Variants in TIMELESS observed in about 807,000 individuals in gnomAD.
The protein encoded by TIMELESS is protein timeless homolog.
TIMELESS carries 124 observed loss-of-function variants against 164.3 expected under a neutral mutation model. The observed-to-expected ratio is 0.75, with a 90% confidence interval of 0.65 to 0.88. The LOEUF is 0.88. Ranked by LOEUF, TIMELESS falls within the 40% of genes least tolerant of loss-of-function variation. TIMELESS has a pLI of 0.00. For missense variants in TIMELESS, 1,422 were observed against 1,491.4 expected, an observed-to-expected ratio of 0.95 and a Z score of 0.77; for synonymous variants, 564 against 563.4, an observed-to-expected ratio of 1.00 and a Z score of -0.02.
chr12:56,432,485 A>C lies in TIMELESS; in HGVS notation c.571T>G (p.Trp191Gly). 1 of 1,614,210 alleles carries C rather than the reference A, an allele frequency of 6.2e-7. No homozygotes were observed. Residue 191 changes from tryptophan (W) to glycine (G), a missense_variant, in exon 7 of 29, where the codon TGG becomes GGG. Trp to Gly is a radical substitution (Grantham distance 184). Transcript: ENST00000553532. ...DDASAHDQLL[W>G]AIHLSGLDDL... ...TCCAGGCCGCTGAGGTGAATCGCCC[A>C]GAGGAGCTGGTCATGGGCACTGGCG... is the stretch of plus-strand genomic sequence containing the variant.
chr12:56,441,164 T>G (rs576642176), intron 1 of TIMELESS, among the ~76,000 whole-genome samples: 2 of 152,308 alleles, frequency 1.3e-5, no homozygotes, highest in East Asian at 1.9e-4. Flanking sequence ...GCCTGTATTC[T>G]CTATGTCTTT....
At chr12:56,421,259 G>A in intron 23 of TIMELESS, 92 bp downstream of exon 23, 1 of 1,581,148 alleles carries the variant, frequency 6.3e-7, no homozygotes, top group Non-Finnish European at 8.6e-7. Context: ...GGTCAGAACA[G>A]CCTCAGGCAG....
chr12:56,417,880 A>C, intron 28 of TIMELESS, 27 bp downstream of exon 28: 1 of 1,613,890 alleles, frequency 6.2e-7, no homozygotes, highest in Non-Finnish European at 8.5e-7. Flanking sequence ...TTAGAGAAGA[A>C]AAAGAAGGTC....
At chr12:56,430,013 C>T (rs1457881031) in intron 10 of TIMELESS, 92 bp downstream of exon 10, 4 of 1,322,686 alleles carry the variant, frequency 3.0e-6, no homozygotes, top group African/African-American at 3.0e-5. Flanking sequence ...GCAGCCTCCC[C>T]GAGCTCCTCC....
chr12:56,431,926 A>C (rs1044139781), intron 7 of TIMELESS, among the ~76,000 whole-genome samples: 1 of 152,034 alleles, frequency 6.6e-6, no homozygotes, highest in Admixed American at 6.6e-5. Flanking sequence ...AGAAAACAGA[A>C]CATGTATACA....
chr12:56,423,092 T>C, intron 18 of TIMELESS, 100 bp from the exon 19 acceptor site: 2 of 1,460,852 alleles, frequency 1.4e-6, no homozygotes, highest in Non-Finnish European at 1.9e-6. Flanking sequence ...AGCTGCCCCC[T>C]CCTCACTCAC....
At chr12:56,422,826 C>A (rs2136134348) in intron 19 of TIMELESS, 21 bp downstream of exon 19, 8 of 1,577,272 alleles carry the variant, frequency 5.1e-6, no homozygotes, top group South Asian at 1.1e-5. Context: ...CCCACCCACC[C>A]TTTGCCAACT....
At chr12:56,429,283 C>T (rs1043240726) in intron 10 of TIMELESS, among the ~76,000 whole-genome samples, 183 bp from the exon 11 acceptor site, 10 of 151,862 alleles carry the variant, frequency 6.6e-5, no homozygotes, top group South Asian at 2.1e-4. Flanking sequence ...ACCGCAACTT[C>T]CACCTCCTGG....
chr12:56,420,868 C>CG lies in TIMELESS; in HGVS notation c.3053dup (p.Leu1019AlafsTer13). 1.2e-6 allele frequency: 2 copies of CG among 1,614,144 alleles called. No individual in the cohort carries two copies. The highest frequency in any genetic ancestry group is 8.5e-7 in the Non-Finnish European group (1 of 1,180,024). ...TCAGGCAGTTCTGGAGCCATAGGAG[C>CG]GGGATAGAAAAGCCTAAGGAAATGA... is the stretch of plus-strand genomic sequence containing the variant. On this transcript the variant is annotated frameshift_variant, in exon 25 of 29. Transcript: ENST00000553532. LOFTEE classifies it high-confidence loss of function.
intron 1 of TIMELESS, among the ~76,000 whole-genome samples, chr12:56,441,060 C>T (rs1406374261): frequency 1.3e-5 from 2 of 151,906 alleles, no homozygotes; most frequent in Admixed American, 6.6e-5. Flanking sequence ...TCAAGTGATC[C>T]ACCCACCTCG....
intron 26 of TIMELESS, among the ~76,000 whole-genome samples, chr12:56,420,029 A>AATATATATAT (rs1555176448): frequency 4.0e-5 from 3 of 75,184 alleles, no homozygotes; most frequent in Admixed American, 4.0e-4. Context: ...AAAAAAAAAA[A>AATATATATAT]ATATATATAT....
At chr12:56,419,763 G>T (rs896301012) in intron 26 of TIMELESS, among the ~76,000 whole-genome samples, 2 of 151,038 alleles carry the variant, frequency 1.3e-5, no homozygotes, top group South Asian at 4.2e-4. Flanking sequence ...ACTGTAGATC[G>T]ACAATATTAA....
chr12:56,442,969 T>A (rs1868297802), intron 1 of TIMELESS, among the ~76,000 whole-genome samples: 2 of 152,248 alleles, frequency 1.3e-5, no homozygotes, highest in African/African-American at 4.8e-5. Flanking sequence ...AATCTCTTAA[T>A]CCCGTCATCT....
At chr12:56,433,334 T>G (rs766732009) in intron 5 of TIMELESS, 47 bp downstream of exon 5, 1 of 1,604,190 alleles carries the variant, frequency 6.2e-7, no homozygotes, top group Non-Finnish European at 8.5e-7. Flanking sequence ...CCGGAGAAGG[T>G]GCAAAATGCT....
chr12:56,435,235 A>G (rs1882032450), intron 1 of TIMELESS, among the ~76,000 whole-genome samples: 1 of 152,188 alleles, frequency 6.6e-6, no homozygotes, highest in Admixed American at 6.5e-5. Flanking sequence ...TCTCCTCTCC[A>G]AAGTTACTCT....
In TIMELESS at chr12:56,424,890, G is replaced by A. The variant is rs745554550; in HGVS notation, c.1740C>T (p.Ser580=). Reference sequence around the variant, plus strand: ...CTGAGGCCGCATCAAAGGGAACCACGGAGTCCATGCTGAGCTCAGAATTCT... The same window carrying A: ...CTGAGGCCGCATCAAAGGGAACCACAGAGTCCATGCTGAGCTCAGAATTCT... ...CAQNSELSMD[S]VVPFDAASEV... Residue 580 remains serine (S), a synonymous_variant, in exon 15 of 29, where the codon TCC becomes TCT. Transcript: ENST00000553532. The A allele has an allele frequency of 6.8e-6, 11 of 1,614,222 alleles. No homozygotes were observed. Among genetic ancestry groups the A allele is most frequent in the African/African-American group, 1.3e-5 (1 of 75,054 alleles).
chr12:56,422,837 T>C lies in TIMELESS; in HGVS notation c.2438+10A>G. 2 of 1,569,230 alleles carry C rather than the reference T, an allele frequency of 1.3e-6. No individual in the cohort carries two copies. ...TACCCCCACCCACCCTTTGCCAACT[T>C]CAAGCTCACCTGTCATCCAGGGAGC... On this transcript the variant is annotated intron_variant, in intron 19 of 28. Coordinates refer to ENST00000553532, the MANE Select transcript of TIMELESS (RefSeq NM_003920.5).
chr12:56,418,441 C>A, intron 26 of TIMELESS, 82 bp from the exon 27 acceptor site: 1 of 1,006,130 alleles, frequency 9.9e-7, no homozygotes, highest in Admixed American at 2.4e-5. Flanking sequence ...ATATATGACC[C>A]AATATTGGTG....
At position 56,423,539 on chromosome 12, in the gene TIMELESS, G is replaced by C. The variant is rs769169858; in HGVS notation, c.2090+45C>G. On this transcript the variant is annotated intron_variant, in intron 17 of 28. Coordinates refer to ENST00000553532, the MANE Select transcript of TIMELESS (RefSeq NM_003920.5). Reference sequence around the variant, plus strand: ...GAAGACATAGCTCATCCTCACAGCCGCACAATCGCCACTCTAGGACCAACT... The same window carrying C: ...GAAGACATAGCTCATCCTCACAGCCCCACAATCGCCACTCTAGGACCAACT... 5 of 1,612,612 alleles carry C rather than the reference G, an allele frequency of 3.1e-6. No individual in the cohort carries two copies. In the African/African-American group the frequency reaches 6.7e-5, roughly 22 times the overall value.
Sources: allele counts gnomAD v4.1 joint callset (sites outside exome capture counted in the v4.1 genomes callset), GRCh38; gene constraint gnomAD v4.1.1; transcripts MANE v1.5; gene names NCBI Gene and HGNC (gene_info 2026-07-23, HGNC 2026-07-21).